DLG2: variants seen among roughly 807,000 people sequenced by gnomAD.
DLG2 encodes the protein discs large MAGUK scaffold protein 2.
In DLG2, 45 loss-of-function variants were observed where a neutral mutation model predicts 132.5. The observed-to-expected ratio is 0.34, with a 90% confidence interval of 0.27 to 0.44. The LOEUF (loss-of-function observed/expected upper bound fraction) is 0.44, where lower values mean the gene tolerates loss of function less well. Ranked by LOEUF, DLG2 falls within the 20% of genes least tolerant of loss-of-function variation. DLG2 has a pLI of 1.00. For missense variants in DLG2, 1,045 were observed against 1,196.9 expected (o/e 0.87, Z 1.87); for synonymous variants, 424 against 419.6 (o/e 1.01, Z -0.13).
intron 6 of DLG2, among the ~76,000 whole-genome samples, chr11:84,790,180 T>C (rs1462254738): frequency 6.6e-6 from 1 of 152,186 alleles, no homozygotes; most frequent in African/African-American, 2.4e-5. Flanking sequence ...CCAAAGAGGT[T>C]GTACTAATTT....
At chr11:84,944,443 G>A (rs751260151) in intron 6 of DLG2, among the ~76,000 whole-genome samples, 2 of 151,298 alleles carry the variant, frequency 1.3e-5, no homozygotes, top group Admixed American at 6.6e-5. Flanking sequence ...GTCTCCTCTG[G>A]CCATATATTT....
At chr11:84,908,137 T>C (rs542976446) in intron 6 of DLG2, among the ~76,000 whole-genome samples, 5 of 152,136 alleles carry the variant, frequency 3.3e-5, no homozygotes, top group Non-Finnish European at 2.9e-5. Flanking sequence ...AAAAAAAATA[T>C]AATAAGAACC....
chr11:83,653,668 G>A (rs1302165471), intron 18 of DLG2, among the ~76,000 whole-genome samples: 2 of 152,142 alleles, frequency 1.3e-5, no homozygotes, highest in African/African-American at 2.4e-5. Flanking sequence ...TGTTGATAAA[G>A]TGACCGCACA....
chr11:85,049,911 A>G (rs961174095), intron 6 of DLG2, among the ~76,000 whole-genome samples: 4 of 152,118 alleles, frequency 2.6e-5, no homozygotes, highest in African/African-American at 4.8e-5. Flanking sequence ...AATATCTAAT[A>G]TATTGCCAGA....
chr11:83,659,516 G>T (rs973055460), intron 18 of DLG2, among the ~76,000 whole-genome samples: 1 of 152,118 alleles, frequency 6.6e-6, no homozygotes, highest in African/African-American at 2.4e-5. Flanking sequence ...GTCCTATAAG[G>T]CTACTCACCT....
intron 4 of DLG2, among the ~76,000 whole-genome samples, chr11:85,156,907 G>A (rs973874970): frequency 6.6e-6 from 1 of 152,170 alleles, no homozygotes; most frequent in Admixed American, 6.5e-5. Context: ...TTAATACTGA[G>A]TGTCAACTTG....
intron 6 of DLG2, among the ~76,000 whole-genome samples, chr11:85,056,442 A>T (rs2063470621): frequency 6.6e-6 from 1 of 152,078 alleles, no homozygotes; most frequent in African/African-American, 2.4e-5. Context: ...AACCAGAAGA[A>T]ATGTTAATTA....
chr11:85,054,054 C>G (rs2063191655), intron 6 of DLG2, among the ~76,000 whole-genome samples: 1 of 151,918 alleles, frequency 6.6e-6, no homozygotes, highest in Non-Finnish European at 1.5e-5. Context: ...ATCACAACGT[C>G]AGGAGATCGA....
At chr11:84,306,963 C>T (rs1322563263) in intron 7 of DLG2, among the ~76,000 whole-genome samples, 1 of 152,310 alleles carries the variant, frequency 6.6e-6, no homozygotes, top group East Asian at 1.9e-4. Context: ...AAAAGAACTA[C>T]CATTCAACCC....
chr11:84,801,160 C>T (rs1344578703), intron 6 of DLG2, among the ~76,000 whole-genome samples: 2 of 152,138 alleles, frequency 1.3e-5, no homozygotes, highest in African/African-American at 4.8e-5. Context: ...ATTGTTCAAT[C>T]TCAGGAAAAA....
At chr11:83,878,785 GAGA>G (rs2065406162) in intron 15 of DLG2, among the ~76,000 whole-genome samples, 1 of 152,286 alleles carries the variant, frequency 6.6e-6, no homozygotes, top group Non-Finnish European at 1.5e-5. Flanking sequence ...ATGGATGCTG[GAGA>G]AGAAGTCCCC....
intron 8 of DLG2, among the ~76,000 whole-genome samples, chr11:84,220,792 T>C (rs2096903448): frequency 7.2e-6 from 1 of 139,588 alleles, no homozygotes; most frequent in Non-Finnish European, 1.5e-5. Context: ...TTTTTTTTTT[T>C]TTTTTTTTTG....
intron 6 of DLG2, among the ~76,000 whole-genome samples, chr11:84,916,650 C>T (rs1042518001): frequency 1.3e-5 from 2 of 152,178 alleles, no homozygotes; most frequent in Non-Finnish European, 2.9e-5. Flanking sequence ...CCCTTGCTCC[C>T]TTAAAGTCTC....
intron 7 of DLG2, among the ~76,000 whole-genome samples, chr11:84,433,197 G>A (rs1019044378): frequency 2.6e-5 from 4 of 152,194 alleles, no homozygotes; most frequent in Admixed American, 2.0e-4. Flanking sequence ...TTTTCATAAT[G>A]TGCACTAAAA....
rs995047637 is a variant in DLG2, at chr11:84,782,562, C to T, written c.358-247831G>A. Reference sequence around the variant, plus strand: ...TAACTCCTGGAAGATCTATGAATCCCGGGTTAAGAAATCCTAGGTTGTGGA... The same window carrying T: ...TAACTCCTGGAAGATCTATGAATCCTGGGTTAAGAAATCCTAGGTTGTGGA... On this transcript the variant is annotated intron_variant, in intron 6 of 27. Coordinates refer to ENST00000376104, the MANE Select transcript of DLG2 (RefSeq NM_001142699.3). Among the ~76,000 whole-genome samples the T allele has an allele frequency of 3.3e-5, 5 of 152,034 alleles. No homozygotes were observed. In the South Asian group the frequency reaches 6.2e-4, roughly 19 times the overall value.
chr11:85,358,112 AAGAAG>A (rs2083880413), intron 3 of DLG2, among the ~76,000 whole-genome samples: 1 of 152,104 alleles, frequency 6.6e-6, no homozygotes, highest in Admixed American at 6.6e-5. Flanking sequence ...AACAGAAGGG[AAGAAG>A]AGAAGAAGGA....
intron 7 of DLG2, among the ~76,000 whole-genome samples, chr11:84,433,565 T>A (rs977472915): frequency 3.9e-5 from 6 of 152,264 alleles, no homozygotes; most frequent in Admixed American, 3.9e-4. Context: ...AAAATAATTT[T>A]ATTCAGAGAA....
At chr11:84,855,146 A>G (rs959753607) in intron 6 of DLG2, among the ~76,000 whole-genome samples, 1 of 152,044 alleles carries the variant, frequency 6.6e-6, no homozygotes. Context: ...CAACTGGCCA[A>G]TCATGTTTCT....
At chr11:84,462,533 C>A (rs867348792) in intron 7 of DLG2, among the ~76,000 whole-genome samples, 7 of 151,082 alleles carry the variant, frequency 4.6e-5, no homozygotes, top group Admixed American at 1.3e-4. Context: ...AAGAAATGAA[C>A]CTATGTTAAG....
Sources: gnomAD v4.1 joint callset for allele counts (sites outside exome capture counted in the v4.1 genomes callset) on GRCh38, gnomAD v4.1.1 for gene constraint, MANE v1.5 for transcripts, NCBI Gene and HGNC (gene_info 2026-07-23, HGNC 2026-07-21) for gene names.